RALGAPB: variants seen among roughly 807,000 people sequenced by gnomAD.
RALGAPB encodes the protein Ral GTPase activating protein non-catalytic subunit beta, also known as ral GTPase-activating protein subunit beta.
A neutral mutation model predicts 161.1 loss-of-function variants in RALGAPB; 25 were observed. The ratio of observed to expected loss-of-function variants is 0.16; its 90% CI spans 0.11 to 0.22. The LOEUF is 0.22. Ranked by LOEUF, RALGAPB falls within the 10% of genes least tolerant of loss-of-function variation. RALGAPB has a pLI of 1.00. For synonymous variants in RALGAPB, 629 were observed against 626.1 expected (o/e 1.00, Z -0.07); for missense variants, 1,391 against 1,815.2 (o/e 0.77, Z 4.25).
intron 22 of RALGAPB, among the ~76,000 whole-genome samples, chr20:38,554,596 T>C (rs144862023): frequency 2.6e-5 from 4 of 152,312 alleles, no homozygotes; most frequent in African/African-American, 7.2e-5. Flanking sequence ...ATGTGGTCTT[T>C]GGTGAGTTTC....
At chr20:38,516,171 T>C in intron 6 of RALGAPB, 21 bp from the exon 7 acceptor site, 2 of 1,534,324 alleles carry the variant, frequency 1.3e-6, no homozygotes, top group Non-Finnish European at 1.8e-6. Context: ...TTGTGATTAA[T>C]TCTTTCCTCT....
intron 16 of RALGAPB, among the ~76,000 whole-genome samples, chr20:38,536,285 A>G (rs1441214513): frequency 6.6e-6 from 1 of 152,196 alleles, no homozygotes; most frequent in Non-Finnish European, 1.5e-5. Flanking sequence ...AGTTTCATTT[A>G]TGTTGTAGAA....
intron 4 of RALGAPB, among the ~76,000 whole-genome samples, chr20:38,497,797 C>G (rs1012626093): frequency 1.1e-4 from 16 of 152,036 alleles, no homozygotes; most frequent in African/African-American, 3.6e-4. Flanking sequence ...TAGGATAGGC[C>G]AGGCGTAGTG....
chr20:38,516,263 T>C lies in RALGAPB; in HGVS notation c.944T>C (p.Val315Ala). Residue 315 changes from valine (V) to alanine (A), a missense_variant, in exon 7 of 30, where the codon GTG becomes GCG. This residue lies in a region of RALGAPB where 946 missense variants were observed against 1,257.2 expected (regional missense o/e 0.75). Transcript: ENST00000262879. Reference sequence around the variant, plus strand: ...AAATTTCAGGAACAGTTCTTGAATGTGAGCGGAATGCCGCAAGAATTGAAT... The same window carrying C: ...AAATTTCAGGAACAGTTCTTGAATGCGAGCGGAATGCCGCAAGAATTGAAT... ...TPKFQEQFLN[V>A]SGMPQELNQY... The C allele has an allele frequency of 1.2e-6, 2 of 1,613,670 alleles. No homozygotes were observed. Among genetic ancestry groups the C allele is most frequent in the Non-Finnish European group, 1.7e-6 (2 of 1,179,656 alleles).
intron 3 of RALGAPB, among the ~76,000 whole-genome samples, chr20:38,494,401 C>T (rs1380509446): frequency 6.6e-6 from 1 of 152,182 alleles, no homozygotes; most frequent in African/African-American, 2.4e-5. Context: ...GAGGCTGAGG[C>T]GGGTGGATCA....
chr20:38,502,611 A>G (rs911042228), intron 5 of RALGAPB, among the ~76,000 whole-genome samples: 11 of 152,172 alleles, frequency 7.2e-5, no homozygotes, highest in Non-Finnish European at 1.2e-4. Context: ...TGTTTGAGAC[A>G]GTCTCACTTT....
intron 28 of RALGAPB, among the ~76,000 whole-genome samples, chr20:38,571,081 G>A (rs760692704): frequency 3.3e-5 from 5 of 152,076 alleles, no homozygotes; most frequent in Admixed American, 1.3e-4. Flanking sequence ...AAAGCTATAC[G>A]TATTTAATGT....
At chr20:38,562,978 A>G (rs2087840652) in intron 24 of RALGAPB, among the ~76,000 whole-genome samples, 1 of 152,126 alleles carries the variant, frequency 6.6e-6, no homozygotes. Context: ...CAGGAGGCTG[A>G]GGTGGGAGGA....
intron 18 of RALGAPB, among the ~76,000 whole-genome samples, chr20:38,544,237 C>T (rs1175075140): frequency 2.0e-5 from 3 of 152,134 alleles, no homozygotes; most frequent in Non-Finnish European, 2.9e-5. Context: ...CACTTCTATG[C>T]GTTGGTTCTA....
At chr20:38,536,649 A>G (rs947849367) in intron 16 of RALGAPB, among the ~76,000 whole-genome samples, 1 of 152,210 alleles carries the variant, frequency 6.6e-6, no homozygotes, top group Non-Finnish European at 1.5e-5. Flanking sequence ...TGACAGTAAG[A>G]TGAGCAGGAT....
chr20:38,516,130 G>A (rs1038770808), intron 6 of RALGAPB, 62 bp from the exon 7 acceptor site: 31 of 1,261,800 alleles, frequency 2.5e-5, no homozygotes, highest in Admixed American at 6.6e-5. Flanking sequence ...ATTAGATTAC[G>A]TGTATTTTAT....
At chr20:38,511,749 A>G (rs901776286) in intron 6 of RALGAPB, among the ~76,000 whole-genome samples, 2 of 152,242 alleles carry the variant, frequency 1.3e-5, no homozygotes. Flanking sequence ...CAGACACAGT[A>G]ACATCTGATC....
chr20:38,535,733 C>G (rs529551643), intron 16 of RALGAPB, among the ~76,000 whole-genome samples: 2 of 152,092 alleles, frequency 1.3e-5, no homozygotes, highest in Non-Finnish European at 2.9e-5. Context: ...TACAGGCATA[C>G]GCCATCACAG....
rs747441063 is a variant in RALGAPB at position 38,546,360 on chromosome 20, T to C, written c.2832T>C (p.Ser944=). The part of the protein sequence containing the change: ...YSRLPTINKH[S]FRYFVLDNSV... Reference sequence around the variant, plus strand: ...GGCTGCCAACCATAAACAAGCATAGTTTCCGGTACTTTGTCTTGGATAACA... The same window carrying C: ...GGCTGCCAACCATAAACAAGCATAGCTTCCGGTACTTTGTCTTGGATAACA... Residue 944 remains serine (S), a synonymous_variant, in exon 19 of 30, where the codon AGT becomes AGC. Coordinates refer to ENST00000262879, the MANE Select transcript of RALGAPB (RefSeq NM_020336.4). The C allele has an allele frequency of 5.6e-6, 9 of 1,614,098 alleles. No homozygotes were observed. In the East Asian group the frequency reaches 2.0e-4, roughly 36 times the overall value.
rs2088520473 is a variant in RALGAPB at position 38,578,613 on chromosome 20, C to T, written c.*3646C>T. ...GTTTGTATGAATTTCAGTATGTTGCCAAGACATGATTTTTTCTTATTGTAT... is the reference window on the plus strand; with the variant it reads ...GTTTGTATGAATTTCAGTATGTTGCTAAGACATGATTTTTTCTTATTGTAT... On this transcript the variant is annotated 3_prime_UTR_variant, in exon 30 of 30. Transcript: ENST00000262879. The T allele has an allele frequency of 6.6e-6, 1 of 152,476 alleles. No homozygotes were observed. The highest frequency in any genetic ancestry group is 1.5e-5 in the Non-Finnish European group (1 of 68,008). 9.4% of individuals were successfully genotyped at this position (152,476 alleles called of 1,614,324 possible). A position where few individuals can be genotyped will look rare whatever the true frequency, so the allele number is the denominator to read the frequency against.
intron 16 of RALGAPB, among the ~76,000 whole-genome samples, chr20:38,536,668 A>G (rs1003479238): frequency 3.3e-5 from 5 of 152,228 alleles, no homozygotes; most frequent in Non-Finnish European, 7.3e-5. Context: ...ATTATCTTAC[A>G]TATAATATAT....
intron 17 of RALGAPB, 115 bp from the exon 18 acceptor site, chr20:38,540,926 A>G (rs1568957077): frequency 9.0e-7 from 1 of 1,109,164 alleles, no homozygotes; most frequent in Non-Finnish European, 1.3e-6. Flanking sequence ...AGAAATTACC[A>G]AGAAACTGGA....
chr20:38,535,812 T>A (rs2086788572), intron 16 of RALGAPB, among the ~76,000 whole-genome samples: 1 of 152,194 alleles, frequency 6.6e-6, no homozygotes, highest in Non-Finnish European at 1.5e-5. Context: ...CTCGAACTTC[T>A]GACCTCAGGT....
chr20:38,531,021 T>G (rs1189654212), intron 13 of RALGAPB, 146 bp from the exon 14 acceptor site: 8 of 683,134 alleles, frequency 1.2e-5, no homozygotes, highest in Admixed American at 2.9e-5. Flanking sequence ...AGCTCTTGTT[T>G]AAGAGCCAAC....
Sources: gnomAD v4.1 joint callset for allele counts (sites outside exome capture counted in the v4.1 genomes callset) on GRCh38, gnomAD v4.1.1 for gene constraint, gnomAD v4.1.1 regional missense constraint, MANE v1.5 for transcripts, NCBI Gene and HGNC (gene_info 2026-07-23, HGNC 2026-07-21) for gene names.